TOX: variants seen among roughly 807,000 people sequenced by gnomAD.
The protein encoded by TOX is thymocyte selection associated high mobility group box, also known as thymocyte selection-associated high mobility group box protein TOX.
A neutral mutation model predicts 53.7 loss-of-function variants in TOX; 11 were observed. The observed-to-expected ratio is 0.20, with a 90% confidence interval of 0.13 to 0.34. The LOEUF is 0.34. Among genes scored for constraint, TOX ranks in the 10% least tolerant of loss-of-function variants. The pLI is 1.00. For synonymous variants in TOX, 225 were observed against 245.3 expected (o/e 0.92, Z 0.77); for missense variants, 570 against 664.6 (o/e 0.86, Z 1.56).
chr8:59,077,471 T>A (rs575668522), intron 1 of TOX, among the ~76,000 whole-genome samples: 9 of 152,288 alleles, frequency 5.9e-5, no homozygotes, highest in African/African-American at 2.2e-4. Flanking sequence ...TGAGGCATGA[T>A]GCTTGGTACC....
intron 4 of TOX, among the ~76,000 whole-genome samples, chr8:58,842,907 G>A (rs759921937): frequency 1.3e-5 from 2 of 152,210 alleles, no homozygotes; most frequent in African/African-American, 2.4e-5. Context: ...CTAGCTGGAT[G>A]CAATGTTGCT....
At chr8:58,893,602 C>T (rs946568257) in intron 3 of TOX, among the ~76,000 whole-genome samples, 4 of 152,208 alleles carry the variant, frequency 2.6e-5, no homozygotes, top group African/African-American at 7.2e-5. Flanking sequence ...TTTAGTAGCT[C>T]TCTAACAAAA....
At chr8:58,988,078 G>A (rs1258156097) in intron 1 of TOX, among the ~76,000 whole-genome samples, 3 of 152,102 alleles carry the variant, frequency 2.0e-5, no homozygotes, top group Non-Finnish European at 4.4e-5. Flanking sequence ...AACTTCAGAT[G>A]AAAAAATACT....
At chr8:58,980,803 C>CTTCAAAACACCTTTTTTGAAGGTG (rs1813192206) in intron 1 of TOX, among the ~76,000 whole-genome samples, 1 of 152,208 alleles carries the variant, frequency 6.6e-6, no homozygotes, top group South Asian at 2.1e-4. Flanking sequence ...GTGTTTCCAC[C>CTTCAAAACACCTTTTTTGAAGGTG]TTTCCAGTGT....
chr8:58,963,438 A>G (rs1812837813), intron 1 of TOX, among the ~76,000 whole-genome samples: 2 of 152,188 alleles, frequency 1.3e-5, no homozygotes, highest in African/African-American at 4.8e-5. Flanking sequence ...GCTTTTAAAA[A>G]TTACTATCAG....
chr8:59,031,771 C>T (rs905840618), intron 1 of TOX, among the ~76,000 whole-genome samples: 1 of 152,028 alleles, frequency 6.6e-6, no homozygotes, highest in Non-Finnish European at 1.5e-5. Flanking sequence ...TGGGCTGTGA[C>T]CCTGAGGTGG....
intron 1 of TOX, among the ~76,000 whole-genome samples, chr8:58,963,988 G>A (rs985815273): frequency 1.3e-5 from 2 of 152,054 alleles, no homozygotes; most frequent in African/African-American, 2.4e-5. Flanking sequence ...AGCTTTCGGA[G>A]AATGGTTTGA....
chr8:59,090,193 A>C (rs529144523), intron 1 of TOX, among the ~76,000 whole-genome samples: 2 of 152,180 alleles, frequency 1.3e-5, no homozygotes, highest in Non-Finnish European at 2.9e-5. Flanking sequence ...GTTTTATTTG[A>C]CCTAGGAAAA....
intron 3 of TOX, among the ~76,000 whole-genome samples, chr8:58,927,860 C>A (rs1448703635): frequency 1.3e-5 from 2 of 152,126 alleles, no homozygotes; most frequent in Non-Finnish European, 2.9e-5. Context: ...GAGGTGGAAT[C>A]ACTTCCCCAC....
At chr8:58,810,861 C>T (rs1810065872) in intron 7 of TOX, among the ~76,000 whole-genome samples, 1 of 151,670 alleles carries the variant, frequency 6.6e-6, no homozygotes, top group Non-Finnish European at 1.5e-5. Flanking sequence ...CCACAGAAAC[C>T]GCCATTTTTT....
chr8:58,889,212 C>CAAAAAAA (rs10556451), intron 3 of TOX, among the ~76,000 whole-genome samples: 1,191 of 113,876 alleles, frequency 0.01, no homozygotes, highest in East Asian at 0.021. Flanking sequence ...TTTACAATAG[C>CAAAAAAA]AAAAAAAAAA....
chr8:58,886,074 A>G (rs1001985370), intron 3 of TOX, among the ~76,000 whole-genome samples: 2 of 152,096 alleles, frequency 1.3e-5, no homozygotes, highest in Non-Finnish European at 2.9e-5. Context: ...AGCACATTCT[A>G]TCAGTTGATT....
At chr8:58,914,510 G>C (rs568227301) in intron 3 of TOX, among the ~76,000 whole-genome samples, 51 of 152,218 alleles carry the variant, frequency 3.4e-4, no homozygotes, top group Non-Finnish European at 6.8e-4. Flanking sequence ...GAAGATATTT[G>C]TCAATGTCTG....
At chr8:59,063,950 G>A (rs906610171) in intron 1 of TOX, among the ~76,000 whole-genome samples, 4 of 151,868 alleles carry the variant, frequency 2.6e-5, no homozygotes, top group African/African-American at 7.3e-5. Context: ...ATATGTACAC[G>A]AACTATGCTA....
intron 1 of TOX, among the ~76,000 whole-genome samples, chr8:59,113,580 G>T (rs932749260): frequency 4.6e-5 from 7 of 152,162 alleles, no homozygotes; most frequent in Non-Finnish European, 1.0e-4. Context: ...GCTGAAGAGG[G>T]AGCCAGGCAG....
intron 3 of TOX, among the ~76,000 whole-genome samples, chr8:58,912,553 A>G (rs567971326): frequency 6.6e-6 from 1 of 152,350 alleles, no homozygotes; most frequent in South Asian, 2.1e-4. Flanking sequence ...TATGTGACAG[A>G]ATCAACTGGG....
chr8:58,930,975 T>A (rs1221372012), intron 3 of TOX, among the ~76,000 whole-genome samples: 2 of 152,232 alleles, frequency 1.3e-5, no homozygotes, highest in Admixed American at 6.5e-5. Flanking sequence ...TAAATTTTTT[T>A]ATTCATCTTT....
At chr8:59,006,206 G>A (rs1406707018) in intron 1 of TOX, among the ~76,000 whole-genome samples, 1 of 152,206 alleles carries the variant, frequency 6.6e-6, no homozygotes, top group Non-Finnish European at 1.5e-5. Context: ...AAGAGAAGAT[G>A]TTTTACATAT....
intron 3 of TOX, among the ~76,000 whole-genome samples, chr8:58,859,618 A>G (rs893091779): frequency 4.6e-5 from 7 of 152,188 alleles, no homozygotes; most frequent in Non-Finnish European, 8.8e-5. Flanking sequence ...CTCTAGAACC[A>G]CCATCTTCAG....
Sources: gnomAD v4.1 joint callset for allele counts (sites outside exome capture counted in the v4.1 genomes callset) on GRCh38, gnomAD v4.1.1 for gene constraint, MANE v1.5 for transcripts, NCBI Gene and HGNC (gene_info 2026-07-23, HGNC 2026-07-21) for gene names.